The following ZNF608 variants were observed in gnomAD, a reference collection of about 807,000 sequenced individuals.
ZNF608 encodes renal carcinoma antigen NY-REN-36.
ZNF608 carries 12 observed loss-of-function variants against 109.0 expected under a neutral mutation model. That is an observed-to-expected ratio of 0.11 (90% confidence interval 0.07 to 0.18). ZNF608 has a LOEUF of 0.18. Among genes scored for constraint, ZNF608 ranks in the 10% least tolerant of loss-of-function variants. ZNF608 has a pLI of 1.00. For synonymous variants in ZNF608, 732 were observed against 717.4 expected (o/e 1.02, Z -0.33); for missense variants, 1,707 against 1,879.3 (o/e 0.91, Z 1.70).
chr5:124,648,817 C>T lies in ZNF608; in HGVS notation c.1567G>A (p.Val523Ile). 3 of 1,614,208 alleles carry T rather than the reference C, an allele frequency of 1.9e-6. No individual in the cohort carries two copies. Among genetic ancestry groups the T allele is most frequent in the Non-Finnish European group, 2.5e-6 (3 of 1,180,016 alleles). The change falls in exon 5 of 10, where the codon GTC (valine) becomes ATC (isoleucine). Residue 523 changes from valine (V) to isoleucine (I), a missense_variant. Around this residue, in one of 7 missense-constraint regions of ZNF608, gnomAD observed 166 missense variants for 204.2 expected, o/e 0.81. Transcript: ENST00000513986. ...GGAGTGCTTCTGGAATTTGTGCGGA[C>T]ACGCTTTCCAGGCTTATTGTCCTCA... ...SSEDNKPGKR[V>I]RTNSRSTPTT...
At chr5:124,652,005 G>C (rs1288063799) in intron 3 of ZNF608, among the ~76,000 whole-genome samples, 1 of 152,250 alleles carries the variant, frequency 6.6e-6, no homozygotes, top group African/African-American at 2.4e-5. Context: ...GCGCCACGCG[G>C]CTCCACACAA....
intron 3 of ZNF608, among the ~76,000 whole-genome samples, chr5:124,665,984 A>C (rs1159628487): frequency 6.6e-6 from 1 of 152,276 alleles, no homozygotes; most frequent in Non-Finnish European, 1.5e-5. Context: ...TTTATAAAAC[A>C]AAGTTGACAG....
intron 5 of ZNF608, among the ~76,000 whole-genome samples, chr5:124,646,207 A>G (rs1312369826): frequency 6.6e-6 from 1 of 152,044 alleles, no homozygotes; most frequent in Admixed American, 6.5e-5. Context: ...TAAAAATACA[A>G]AAAATTAGCC....
At chr5:124,721,945 A>C (rs1178252078) in intron 2 of ZNF608, among the ~76,000 whole-genome samples, 2 of 117,444 alleles carry the variant, frequency 1.7e-5, no homozygotes, top group Admixed American at 1.0e-4. Context: ...CTGTCTCAAA[A>C]AAAAAAAAAA....
intron 2 of ZNF608, chr5:124,735,294 G>A (rs1456392727): frequency 3.3e-5 from 5 of 152,230 alleles, no homozygotes; most frequent in Non-Finnish European, 7.3e-5. Context: ...AGGTGAAGGC[G>A]TCGTGAAGAG....
chr5:124,713,444 C>CAAA, intron 2 of ZNF608, among the ~76,000 whole-genome samples: 1 of 152,286 alleles, frequency 6.6e-6, no homozygotes, highest in Non-Finnish European at 1.5e-5. Context: ...GTAATGACAG[C>CAAA]AAACATTAAC....
At chr5:124,710,941 T>A (rs1580674266) in intron 2 of ZNF608, among the ~76,000 whole-genome samples, 1 of 152,224 alleles carries the variant, frequency 6.6e-6, no homozygotes, top group Non-Finnish European at 1.5e-5. Context: ...TCATTTTTAC[T>A]ACAGCTCTAG....
chr5:124,686,308 C>T (rs181498031), intron 3 of ZNF608, among the ~76,000 whole-genome samples: 6 of 152,280 alleles, frequency 3.9e-5, no homozygotes, highest in Admixed American at 6.5e-5. Flanking sequence ...CAGGAGTCTA[C>T]GAAGAGACAA....
At chr5:124,665,830 A>G (rs1409494335) in intron 3 of ZNF608, among the ~76,000 whole-genome samples, 1 of 152,236 alleles carries the variant, frequency 6.6e-6, no homozygotes, top group Non-Finnish European at 1.5e-5. Context: ...TTGCAGTTTA[A>G]TGAACAGTCA....
In ZNF608 at chr5:124,644,530, A is replaced by G; in HGVS notation, c.3837T>C (p.Ser1279=). Residue 1279 remains serine (S), a synonymous_variant, in exon 6 of 10, where the codon AGT becomes AGC. Transcript: ENST00000513986. The stretch of plus-strand genomic sequence containing the variant: ...ACGATACAGGAAGGCTGGGCACACC[A>G]CTCTCTTTATTAGGAGTTTTCCTCG... ...DSPRKTPNKE[S]GVPSLPVSLT... is the part of the protein sequence containing the mutation. The G allele has an allele frequency of 3.7e-6, 6 of 1,613,570 alleles. No homozygotes were observed. The highest frequency in any genetic ancestry group is 5.1e-6 in the Non-Finnish European group (6 of 1,179,870).
intron 3 of ZNF608, among the ~76,000 whole-genome samples, chr5:124,663,318 AGGC>A (rs1751352014): frequency 6.6e-6 from 1 of 152,234 alleles, no homozygotes; most frequent in Non-Finnish European, 1.5e-5. Flanking sequence ...CAGGAGGGAA[AGGC>A]GAGTGGTGTG....
chr5:124,698,088 A>C (rs1554088986), intron 3 of ZNF608, among the ~76,000 whole-genome samples: 3 of 152,098 alleles, frequency 2.0e-5, no homozygotes, highest in Non-Finnish European at 4.4e-5. Flanking sequence ...TGTTAGTGAA[A>C]CCTCACACTA....
At chr5:124,653,741 G>C (rs1321839335) in intron 3 of ZNF608, among the ~76,000 whole-genome samples, 1 of 152,168 alleles carries the variant, frequency 6.6e-6, no homozygotes, top group Admixed American at 6.5e-5. Flanking sequence ...AGGGACTTAT[G>C]TTGGGAATCT....
At chr5:124,704,553 T>C (rs558134902) in intron 2 of ZNF608, among the ~76,000 whole-genome samples, 1 of 152,346 alleles carries the variant, frequency 6.6e-6, no homozygotes, top group South Asian at 2.1e-4. Context: ...GTGTTTTTAT[T>C]TGGCAGGTAT....
At chr5:124,642,583 C>T (rs75541341) in intron 7 of ZNF608, among the ~76,000 whole-genome samples, 2,820 of 152,044 alleles carry the variant, frequency 0.019, 43 homozygotes, top group Non-Finnish European at 0.026. Context: ...GATTAGGGAG[C>T]TTCTATTTAT....
At chr5:124,698,112 G>A (rs944116979) in intron 3 of ZNF608, among the ~76,000 whole-genome samples, 2 of 152,108 alleles carry the variant, frequency 1.3e-5, no homozygotes, top group Non-Finnish European at 2.9e-5. Flanking sequence ...AACTATTGTA[G>A]CTTACTCTCC....
At chr5:124,693,972 A>ATATTTTTTTTTT (rs1561564262) in intron 3 of ZNF608, among the ~76,000 whole-genome samples, 1 of 23,316 alleles carries the variant, frequency 4.3e-5, no homozygotes, top group African/African-American at 2.3e-4. Flanking sequence ...CATTTCATTA[A>ATATTTTTTTTTT]TCTTTTTTTT....
intron 3 of ZNF608, among the ~76,000 whole-genome samples, chr5:124,678,189 T>C (rs993331834): frequency 1.5e-4 from 23 of 152,140 alleles, no homozygotes; most frequent in African/African-American, 5.6e-4. Context: ...AAGGCATTAT[T>C]CATGCCTTTT....
At chr5:124,704,424 G>A (rs755045295) in intron 2 of ZNF608, among the ~76,000 whole-genome samples, 2 of 151,124 alleles carry the variant, frequency 1.3e-5, no homozygotes, top group East Asian at 1.9e-4. Context: ...GTGAGATGTC[G>A]GGATTGGGGA....
Sources: gnomAD v4.1 joint callset for allele counts (sites outside exome capture counted in the v4.1 genomes callset) on GRCh38, gnomAD v4.1.1 for gene constraint, gnomAD v4.1.1 regional missense constraint, MANE v1.5 for transcripts, NCBI Gene and HGNC (gene_info 2026-07-23, HGNC 2026-07-21) for gene names.